Variants in TBC1D14 observed in about 807,000 individuals in gnomAD.
The protein encoded by TBC1D14 is TBC1 domain family member 14, also known as TBC1 domain family, member 14.
A neutral mutation model predicts 79.0 loss-of-function variants in TBC1D14; 26 were observed. The observed-to-expected ratio is 0.33, with a 90% CI of 0.24 to 0.46. The LOEUF (loss-of-function observed/expected upper bound fraction) is 0.46. TBC1D14 is among the 20% of genes least tolerant of loss of function. The probability of loss-of-function intolerance (pLI) is 1.00; values close to 1 mark genes in which losing one functional copy is unlikely to be tolerated. For synonymous variants in TBC1D14, 394 were observed against 349.9 expected, an observed-to-expected ratio of 1.13 and a Z score of -1.40; for missense variants, 769 against 887.6, an observed-to-expected ratio of 0.87 and a Z score of 1.70.
intron 13 of TBC1D14, among the ~76,000 whole-genome samples, chr4:7,026,032 G>C (rs1392096890): frequency 2.6e-5 from 4 of 152,156 alleles, no homozygotes; most frequent in Non-Finnish European, 1.5e-5. Context: ...ACCATGCCTG[G>C]GGGATTTCTT....
chr4:6,961,872 G>A (rs901846592), intron 2 of TBC1D14, among the ~76,000 whole-genome samples: 44 of 152,306 alleles, frequency 2.9e-4, no homozygotes, highest in African/African-American at 8.7e-4. Context: ...ACAGTGGGGA[G>A]TCCTGGTGTT....
chr4:7,020,481 A>G (rs1721717995), intron 12 of TBC1D14, among the ~76,000 whole-genome samples: 1 of 152,174 alleles, frequency 6.6e-6, no homozygotes, highest in Non-Finnish European at 1.5e-5. Context: ...GCGGAGTGCC[A>G]TTCATGAGCC....
intron 3 of TBC1D14, among the ~76,000 whole-genome samples, chr4:6,976,377 A>T (rs1303515585): frequency 6.6e-6 from 1 of 152,274 alleles, no homozygotes; most frequent in Non-Finnish European, 1.5e-5. Flanking sequence ...ATGTCCAGAT[A>T]CATCATAACC....
At chr4:6,968,505 G>A (rs752754962) in intron 3 of TBC1D14, among the ~76,000 whole-genome samples, 1 of 152,238 alleles carries the variant, frequency 6.6e-6, no homozygotes, top group Non-Finnish European at 1.5e-5. Flanking sequence ...CTGAGACACA[G>A]AGGCTGTGTG....
intron 1 of TBC1D14, among the ~76,000 whole-genome samples, chr4:6,920,553 G>A (rs1723768798): frequency 6.6e-6 from 1 of 152,190 alleles, no homozygotes; most frequent in Non-Finnish European, 1.5e-5. Flanking sequence ...CCAAGCAGGA[G>A]TGGTTATCAT....
chr4:6,928,490 G>A (rs9291122), intron 2 of TBC1D14, among the ~76,000 whole-genome samples: 83,138 of 151,954 alleles, frequency 0.55, 22,884 homozygotes, highest in East Asian at 0.67. Context: ...CCCTGCGATC[G>A]CCAGTGTGTA....
chr4:6,938,254 G>T (rs1712540546), intron 2 of TBC1D14, among the ~76,000 whole-genome samples: 1 of 152,178 alleles, frequency 6.6e-6, no homozygotes, highest in Admixed American at 6.5e-5. Flanking sequence ...CTCTTCTGGG[G>T]GCTGCCTGGT....
chr4:6,961,004 G>A (rs1280725161), intron 2 of TBC1D14, among the ~76,000 whole-genome samples: 1 of 152,158 alleles, frequency 6.6e-6, no homozygotes, highest in Non-Finnish European at 1.5e-5. Context: ...TAATTATTAG[G>A]ACACCGTGTC....
At position 6,976,892 on chromosome 4, in the gene TBC1D14, A is replaced by C. The variant is rs564153365; in HGVS notation, c.843+9468A>C. On this transcript the variant is annotated intron_variant, in intron 3 of 13. Coordinates refer to ENST00000409757, the MANE Select transcript of TBC1D14 (RefSeq NM_020773.3). ...AATTATAATGCAAAGTTGGTGACTTAAAACACCATAAATATAAAGACATTC... is the reference window on the plus strand; with the variant it reads ...AATTATAATGCAAAGTTGGTGACTTCAAACACCATAAATATAAAGACATTC... Among the ~76,000 whole-genome samples the C allele has an allele frequency of 3.3e-5, 5 of 152,226 alleles. No individual in the cohort carries two copies. The East Asian group carries it at 9.6e-4, about 29-fold the overall frequency.
chr4:6,985,486 G>A (rs1470106408), intron 3 of TBC1D14, among the ~76,000 whole-genome samples: 2 of 152,208 alleles, frequency 1.3e-5, no homozygotes, highest in African/African-American at 2.4e-5. Flanking sequence ...GAGCATTTGA[G>A]GAATTAGGGG....
At chr4:6,950,902 T>C (rs1033815324) in intron 2 of TBC1D14, among the ~76,000 whole-genome samples, 1 of 152,222 alleles carries the variant, frequency 6.6e-6, no homozygotes, top group African/African-American at 2.4e-5. Context: ...GCTGGCCTTA[T>C]AAAATGGGTT....
intron 2 of TBC1D14, among the ~76,000 whole-genome samples, chr4:6,960,923 C>T (rs1419268980): frequency 6.6e-6 from 1 of 152,204 alleles, no homozygotes; most frequent in Non-Finnish European, 1.5e-5. Flanking sequence ...TACCTGACTA[C>T]TCTTGTTGGG....
intron 3 of TBC1D14, chr4:6,987,607 A>C (rs1717998722): frequency 5.1e-6 from 2 of 392,296 alleles, no homozygotes; most frequent in African/African-American, 2.1e-5. Flanking sequence ...CTTCTGGTTC[A>C]CGTTTACTAG....
At chr4:6,983,525 A>G (rs1462249089) in intron 3 of TBC1D14, among the ~76,000 whole-genome samples, 1 of 152,180 alleles carries the variant, frequency 6.6e-6, no homozygotes, top group Non-Finnish European at 1.5e-5. Context: ...TGGCTTGTCA[A>G]GGTGGTAGAG....
At chr4:6,911,166 C>A (rs1722955031) in intron 1 of TBC1D14, among the ~76,000 whole-genome samples, 1 of 152,182 alleles carries the variant, frequency 6.6e-6, no homozygotes, top group Admixed American at 6.5e-5. Flanking sequence ...TTCCCCCCTC[C>A]GACCAACCCT....
At chr4:7,023,699 C>G (rs1722055411) in intron 12 of TBC1D14, among the ~76,000 whole-genome samples, 1 of 152,196 alleles carries the variant, frequency 6.6e-6, no homozygotes, top group Admixed American at 6.5e-5. Context: ...TCGGGACTTA[C>G]TGGTGGTGAG....
intron 5 of TBC1D14, among the ~76,000 whole-genome samples, chr4:6,997,981 C>T (rs1719240849): frequency 6.6e-6 from 1 of 152,168 alleles, no homozygotes. Context: ...TGCCACTGAA[C>T]TGTATACTTA....
chr4:7,015,001 G>A (rs1293174926), intron 12 of TBC1D14, among the ~76,000 whole-genome samples: 2 of 152,162 alleles, frequency 1.3e-5, no homozygotes, highest in Non-Finnish European at 2.9e-5. Flanking sequence ...AGTACATAGA[G>A]CGAAGGTGAC....
chr4:7,004,326 T>C (rs767783837), intron 7 of TBC1D14, among the ~76,000 whole-genome samples: 27 of 152,252 alleles, frequency 1.8e-4, no homozygotes, highest in Non-Finnish European at 1.3e-4. Context: ...CCCCCACCCC[T>C]GCTTCACTGC....
Sources: gnomAD v4.1 joint callset for allele counts (sites outside exome capture counted in the v4.1 genomes callset) on GRCh38, gnomAD v4.1.1 for gene constraint, MANE v1.5 for transcripts, NCBI Gene and HGNC (gene_info 2026-07-23, HGNC 2026-07-21) for gene names.